The following FAM120A variants were observed in gnomAD, a reference collection of about 807,000 sequenced individuals.
FAM120A encodes the protein constitutive coactivator of PPAR-gamma-like protein 1.
Under a neutral mutation model 109.7 loss-of-function variants are expected in FAM120A, and 15 were observed. The ratio of observed to expected loss-of-function variants is 0.14; its 90% CI spans 0.09 to 0.21. The LOEUF is 0.21. FAM120A is among the 10% of genes least tolerant of loss of function. The pLI is 1.00. For missense variants in FAM120A, 899 were observed against 1,439.3 expected (o/e 0.62, Z 6.07); for synonymous variants, 493 against 572.8 (o/e 0.86, Z 1.99).
chr9:93,477,459 A>G (rs574373127), intron 3 of FAM120A, among the ~76,000 whole-genome samples: 6 of 152,272 alleles, frequency 3.9e-5, no homozygotes, highest in Admixed American at 3.3e-4. Flanking sequence ...TCTTGTTAGA[A>G]ATTACATTTC....
intron 5 of FAM120A, among the ~76,000 whole-genome samples, chr9:93,506,541 T>G (rs1396609424): frequency 6.6e-6 from 1 of 152,202 alleles, no homozygotes; most frequent in African/African-American, 2.4e-5. Flanking sequence ...TAGTATCTTT[T>G]TGATCTTCCT....
Position 93,532,635 on chromosome 9 carries a change from A to G in FAM120A, c.1909+306A>G. ...TGAATTGCCGCCACTCTCTGTAATT[A>G]CCACGTCTTGGTAATCAGGACGAGT... On this transcript the variant is annotated intron_variant, in intron 10 of 17. Coordinates refer to ENST00000277165, the MANE Select transcript of FAM120A (RefSeq NM_014612.5). This position sits in a 1 kb window ranked among gnomAD's most constrained non-coding sequence, Gnocchi z 4.3. 2.9e-6 allele frequency: 1 copy of G among 348,556 alleles called. No individual in the cohort carries two copies. The highest frequency in any genetic ancestry group is 6.9e-5 in the East Asian group (1 of 14,578). 21.6% of individuals were successfully genotyped at this position (348,556 alleles called of 1,614,324 possible). A position where few individuals can be genotyped will look rare whatever the true frequency, so the allele number is the denominator to read the frequency against.
intron 5 of FAM120A, among the ~76,000 whole-genome samples, chr9:93,503,900 T>C (rs1407889949): frequency 6.6e-6 from 1 of 152,058 alleles, no homozygotes; most frequent in Admixed American, 6.5e-5. Context: ...TGACAGGCAG[T>C]GTGCTGGGTG....
intron 7 of FAM120A, among the ~76,000 whole-genome samples, chr9:93,521,684 T>C (rs1215787311): frequency 6.6e-6 from 1 of 152,244 alleles, no homozygotes; most frequent in African/African-American, 2.4e-5. Context: ...AGTACCAGCA[T>C]ACACTTGCTT....
At chr9:93,509,085 T>C (rs10821147) in intron 5 of FAM120A, among the ~76,000 whole-genome samples, 42,590 of 152,168 alleles carry the variant, frequency 0.28, 7,054 homozygotes, top group East Asian at 0.44. Flanking sequence ...AAATCTGTAG[T>C]GTAACCTGCC....
At chr9:93,453,189 G>A (rs1857362270) in intron 1 of FAM120A, 2 of 1,002,244 alleles carry the variant, frequency 2.0e-6, no homozygotes, top group African/African-American at 1.7e-5. Flanking sequence ...TGAACTCGCA[G>A]GATTTATTTT....
intron 3 of FAM120A, among the ~76,000 whole-genome samples, chr9:93,485,458 G>A (rs967116072): frequency 6.6e-6 from 1 of 152,118 alleles, no homozygotes; most frequent in African/African-American, 2.4e-5. Flanking sequence ...CTAGCTGGGT[G>A]TGGTGGCATA....
chr9:93,495,268 A>G (rs1333346443), intron 3 of FAM120A, among the ~76,000 whole-genome samples: 2 of 152,270 alleles, frequency 1.3e-5, no homozygotes, highest in Non-Finnish European at 1.5e-5. Context: ...AGTACTATAC[A>G]TAAAACACTT....
intron 3 of FAM120A, among the ~76,000 whole-genome samples, chr9:93,496,569 C>T (rs1017407512): frequency 6.6e-6 from 1 of 152,208 alleles, no homozygotes; most frequent in Non-Finnish European, 1.5e-5. Flanking sequence ...GCATCTGAGG[C>T]CCTGTCATGC....
chr9:93,563,762 T>G (rs796158405), intron 17 of FAM120A, among the ~76,000 whole-genome samples: 49 of 152,340 alleles, frequency 3.2e-4, no homozygotes, highest in African/African-American at 1.2e-3. Flanking sequence ...CACGTGGCAA[T>G]TATCAGTGCA....
chr9:93,542,767 C>T (rs1378349394), intron 10 of FAM120A, among the ~76,000 whole-genome samples: 4 of 152,148 alleles, frequency 2.6e-5, no homozygotes. Context: ...CAAATTATTT[C>T]TCAAATCTAA....
chr9:93,453,539 G>A (rs1030247309), intron 1 of FAM120A: 2 of 985,396 alleles, frequency 2.0e-6, no homozygotes, highest in East Asian at 2.3e-4. Context: ...CTGTCTTCGC[G>A]GTTGCCCCCA....
Position 93,453,134 on chromosome 9 carries a change from A to T in FAM120A, c.474+745A>T, listed in dbSNP as rs542314195. On this transcript the variant is annotated intron_variant, in intron 1 of 17. Coordinates refer to ENST00000277165, the MANE Select transcript of FAM120A (RefSeq NM_014612.5). ...AAGGCAGTTCGGTTTTGTAGATCCCATGCGAAAGGAGTCGCTCAAAATCAG... is the reference window on the plus strand; with the variant it reads ...AAGGCAGTTCGGTTTTGTAGATCCCTTGCGAAAGGAGTCGCTCAAAATCAG... 5.1e-5 allele frequency: 51 copies of T among 1,004,428 alleles called. No homozygotes were observed. In the South Asian group the frequency reaches 1.8e-3, roughly 36 times the overall value. The allele number at this position is 1,004,428 out of a possible 1,614,324, so 62.2% of individuals were successfully genotyped here.
At chr9:93,502,565 T>TAAACACAC (rs1554778295) in intron 5 of FAM120A, among the ~76,000 whole-genome samples, 1 of 146,692 alleles carries the variant, frequency 6.8e-6, no homozygotes, top group East Asian at 2.0e-4. Context: ...GGAGGACACA[T>TAAACACAC]ACACACACAC....
chr9:93,517,066 G>A (rs1860630118), intron 7 of FAM120A, among the ~76,000 whole-genome samples: 1 of 152,112 alleles, frequency 6.6e-6, no homozygotes, highest in Admixed American at 6.5e-5. Context: ...CAGCTTCCAT[G>A]CCAGTTCTTA....
rs1046149210 is a variant in FAM120A at position 93,532,386 on chromosome 9, C to T, written c.1909+57C>T. 2.5e-6 allele frequency: 4 copies of T among 1,584,110 alleles called. No homozygotes were observed. Among genetic ancestry groups the T allele is most frequent in the Non-Finnish European group, 3.5e-6 (4 of 1,153,430 alleles). ...CCTCGGTACCTCGTAATCTCTTGTGCATTTTCTAAAGCCTTAGAAGAATCA... is the reference window on the plus strand; with the variant it reads ...CCTCGGTACCTCGTAATCTCTTGTGTATTTTCTAAAGCCTTAGAAGAATCA... On this transcript the variant is annotated intron_variant, in intron 10 of 17. Coordinates refer to ENST00000277165, the MANE Select transcript of FAM120A (RefSeq NM_014612.5). The surrounding 1 kb of genome is among the most constrained non-coding windows in gnomAD (Gnocchi z 4.3).
chr9:93,564,295 T>A lies in FAM120A; in HGVS notation c.3112T>A (p.Ser1038Thr), dbSNP rs781316619. 156 of 1,614,046 alleles carry A rather than the reference T, an allele frequency of 9.7e-5. No homozygotes were observed. The highest frequency in any genetic ancestry group is 1.3e-4 in the Non-Finnish European group (150 of 1,179,994). Residue 1038 changes from serine to threonine, a missense_variant, in exon 18 of 18, where the codon TCG becomes ACG. By Grantham distance (58) the Ser-to-Thr change is moderately conservative. Around this residue, in one of 11 missense-constraint regions of FAM120A, gnomAD observed 170 missense variants for 205.0 expected, o/e 0.83. Transcript: ENST00000277165. ...AKELKSKSGE[S>T]KSSAMSSDGS... ...AGAACTTAAGTCAAAATCTGGGGAA[T>A]CGAAGTCCTCTGCTATGTCTTCAGA...
intron 7 of FAM120A, among the ~76,000 whole-genome samples, chr9:93,520,611 C>A (rs1860806071): frequency 6.6e-6 from 1 of 152,238 alleles, no homozygotes; most frequent in East Asian, 1.9e-4. Context: ...TTGTGGACTT[C>A]TCAGAGCTGC....
chr9:93,480,021 G>A (rs966919288), intron 3 of FAM120A, among the ~76,000 whole-genome samples: 1 of 152,166 alleles, frequency 6.6e-6, no homozygotes, highest in African/African-American at 2.4e-5. Flanking sequence ...TGCCTTATTA[G>A]TTAGTAGTAG....
Sources: gnomAD v4.1 joint callset for allele counts (sites outside exome capture counted in the v4.1 genomes callset) on GRCh38, gnomAD v4.1.1 for gene constraint, gnomAD v4.1.1 regional missense constraint, Gnocchi (gnomAD v3.1) non-coding constraint, MANE v1.5 for transcripts, NCBI Gene and HGNC (gene_info 2026-07-23, HGNC 2026-07-21) for gene names.